Variants in INPP5F observed in about 807,000 individuals in gnomAD.
The protein encoded by INPP5F is phosphatidylinositide 4-phosphatase SAC2.
A neutral mutation model predicts 137.2 loss-of-function variants in INPP5F; 97 were observed. The ratio of observed to expected loss-of-function variants is 0.71; its 90% CI spans 0.60 to 0.84. The LOEUF (loss-of-function observed/expected upper bound fraction) is 0.84. Ranked by LOEUF, INPP5F falls within the 40% of genes least tolerant of loss-of-function variation. The probability of loss-of-function intolerance (pLI) is 0.00; values close to 1 mark genes in which losing one functional copy is unlikely to be tolerated. For synonymous variants in INPP5F, 504 were observed against 476.9 expected (o/e 1.06, Z -0.74); for missense variants, 1,271 against 1,371.9 (o/e 0.93, Z 1.16).
At position 119,807,420 on chromosome 10, in the gene INPP5F, C is replaced by T. The variant is rs78663738; in HGVS notation, c.1441-512C>T. On this transcript the variant is annotated intron_variant, in intron 12 of 19. Coordinates refer to ENST00000650623, the MANE Select transcript of INPP5F (RefSeq NM_014937.4). ...GGCTCTACCACATACAAGGTTTTGA[C>T]TCTGTACAAAGAACTTAACCTTTCC... is the stretch of plus-strand genomic sequence containing the variant. 4.1e-3 allele frequency among the ~76,000 whole-genome samples: 619 copies of T among 152,328 alleles called. 5 individuals carry two copies. Among genetic ancestry groups the T allele is most frequent in the African/African-American group, 0.014 (587 of 41,570 alleles).
At chr10:119,819,508 G>A (rs1256200435) in intron 15 of INPP5F, 2 of 1,604,332 alleles carry the variant, frequency 1.2e-6, no homozygotes, top group Non-Finnish European at 1.7e-6. Context: ...AATTTTTATG[G>A]CTTGGCTCAA....
At position 119,822,485 on chromosome 10, in the gene INPP5F, C is replaced by T; in HGVS notation, c.2013C>T (p.Asn671=). The change falls in exon 17 of 20, where the codon AAC becomes AAT. Residue 671 remains asparagine (N), a synonymous_variant. Coordinates refer to ENST00000650623, the MANE Select transcript of INPP5F (RefSeq NM_014937.4). ...VNQYQRLSLE[N]LEKIEIGPEP... ...AGTATCAACGACTAAGTCTAGAAAA[C>T]CTGGAAAAAATTGAAATAGGTAAGT... is the stretch of plus-strand genomic sequence containing the variant. The T allele has an allele frequency of 2.6e-6, 4 of 1,520,858 alleles. No homozygotes were observed. The highest frequency in any genetic ancestry group is 3.6e-6 in the Non-Finnish European group (4 of 1,110,702). The allele number at this position is 1,520,858 out of a possible 1,614,324, so 94.2% of individuals were successfully genotyped here.
At chr10:119,813,942 A>G (rs996183896) in intron 15 of INPP5F, among the ~76,000 whole-genome samples, 1 of 152,320 alleles carries the variant, frequency 6.6e-6, no homozygotes, top group Middle Eastern at 3.4e-3. Flanking sequence ...CTTCATTAAC[A>G]TGATGAAATG....
intron 8 of INPP5F, among the ~76,000 whole-genome samples, 161 bp from the exon 9 acceptor site, chr10:119,798,380 CAG>C (rs1301771782): frequency 6.6e-6 from 1 of 151,982 alleles, no homozygotes; most frequent in Non-Finnish European, 1.5e-5. Context: ...GAAAAAAAAT[CAG>C]ATCTTTGACT....
At chr10:119,819,159 T>TG (rs1199245959) in intron 15 of INPP5F, 3 of 138,676 alleles carry the variant, frequency 2.2e-5, no homozygotes, top group South Asian at 2.2e-4. Flanking sequence ...GCTGCAGACG[T>TG]GGGGGGTGGG....
chr10:119,779,665 C>T (rs1428124248), intron 2 of INPP5F, among the ~76,000 whole-genome samples: 2 of 152,054 alleles, frequency 1.3e-5, no homozygotes, highest in African/African-American at 4.8e-5. Flanking sequence ...AGCAATCCTC[C>T]CACTTTGACC....
rs59804262 is a variant in INPP5F at position 119,785,535 on chromosome 10, CGAGAGAGAGAGAGAGA to C, written c.315+3793_315+3808del. 3.6e-3 allele frequency among the ~76,000 whole-genome samples: 334 copies of C among 93,628 alleles called. 3 individuals carry two copies. The South Asian group carries it at 0.055, about 16-fold the overall frequency. 61.4% of individuals were successfully genotyped at this position (93,628 alleles called of 152,430 possible). A position where few individuals can be genotyped will look rare whatever the true frequency, so the allele number is the denominator to read the frequency against. ...TGATCTCCTGACCTTGTGATCCGCT[CGAGAGAGAGAGAGAGA>C]GAGAGAGAGAGAGAGAGAGAGAGAG... On this transcript the variant is annotated intron_variant, in intron 3 of 19. Coordinates refer to ENST00000650623, the MANE Select transcript of INPP5F (RefSeq NM_014937.4).
intron 9 of INPP5F, chr10:119,799,261 G>C: frequency 2.4e-6 from 1 of 421,122 alleles, no homozygotes; most frequent in Non-Finnish European, 4.7e-6. Context: ...GTGTGAATGA[G>C]TAATGCCGTG....
intron 9 of INPP5F, among the ~76,000 whole-genome samples, chr10:119,802,798 GTTTT>G (rs1274540230): frequency 6.6e-6 from 1 of 152,032 alleles, no homozygotes; most frequent in Non-Finnish European, 1.5e-5. Flanking sequence ...ATCACACCAG[GTTTT>G]TTAAAAAAAA....
chr10:119,733,365 TC>T (rs1848139657), intron 1 of INPP5F, among the ~76,000 whole-genome samples: 1 of 152,224 alleles, frequency 6.6e-6, no homozygotes. Context: ...TGATCAGGTT[TC>T]TCTTCTTAAG....
In INPP5F at chr10:119,827,748, A is replaced by C. The variant is rs779108063; in HGVS notation, c.3367A>C (p.Ile1123Leu). The C allele has an allele frequency of 6.2e-7, 1 of 1,612,536 alleles. No homozygotes were observed. Among genetic ancestry groups the C allele is most frequent in the Non-Finnish European group, 8.5e-7 (1 of 1,179,030 alleles). ...VQQNELKKMF[I>L]QCQTRIIQI Reference sequence around the variant, plus strand: ...GCAAAATGAACTTAAAAAGATGTTTATACAATGCCAGACACGGATAATTCA... The same window carrying C: ...GCAAAATGAACTTAAAAAGATGTTTCTACAATGCCAGACACGGATAATTCA... Residue 1123 changes from isoleucine to leucine, a missense_variant, in exon 20 of 20, where the codon ATA (isoleucine) becomes CTA (leucine). Physicochemically the swap from Ile to Leu is conservative, Grantham distance 5 (BLOSUM62 2). Coordinates refer to ENST00000650623, the MANE Select transcript of INPP5F (RefSeq NM_014937.4).
At position 119,791,520 on chromosome 10, in the gene INPP5F, T is replaced by C; in HGVS notation, c.319T>C (p.Cys107Arg). Residue 107 changes from cysteine to arginine, a missense_variant, in exon 4 of 20, where the codon TGT becomes CGT. Around this residue, in one of 6 missense-constraint regions of INPP5F, gnomAD observed 62 missense variants for 55.0 expected, o/e 1.13. Transcript: ENST00000650623. ...MEPQDLELEL[C>R]KKHHFGINKP... The stretch of plus-strand genomic sequence containing the variant: ...TCATCTTTCTCTTCCTATTTAGCTC[T>C]GTAAGAAGCATCATTTTGGTATTAA... The C allele has an allele frequency of 2.5e-6, 4 of 1,598,626 alleles. No individual in the cohort carries two copies. The highest frequency in any genetic ancestry group is 3.4e-6 in the Non-Finnish European group (4 of 1,169,744).
At chr10:119,804,659 G>A (rs1314698924) in intron 10 of INPP5F, among the ~76,000 whole-genome samples, 2 of 151,486 alleles carry the variant, frequency 1.3e-5, no homozygotes, top group Non-Finnish European at 2.9e-5. Flanking sequence ...TCCTCTTCAT[G>A]TCTGGTAGTG....
At chr10:119,810,246 C>A in intron 14 of INPP5F, 29 bp downstream of exon 14, 1 of 1,208,164 alleles carries the variant, frequency 8.3e-7, no homozygotes, top group Non-Finnish European at 1.2e-6. Context: ...TTTCTTTCCT[C>A]AAAATTTATG....
At chr10:119,824,245 T>C (rs538366797) in intron 19 of INPP5F, among the ~76,000 whole-genome samples, 1 of 152,310 alleles carries the variant, frequency 6.6e-6, no homozygotes, top group East Asian at 1.9e-4. Flanking sequence ...AAAGTACAGA[T>C]TTCACTAGGT....
chr10:119,746,508 T>C (rs1234742246), intron 1 of INPP5F, among the ~76,000 whole-genome samples: 1 of 152,218 alleles, frequency 6.6e-6, no homozygotes, highest in African/African-American at 2.4e-5. Flanking sequence ...GCTCACTATT[T>C]GGAAAGAAAT....
rs1589760342 is a variant in INPP5F, at chr10:119,824,299, T to A, written c.2249+397T>A. On this transcript the variant is annotated intron_variant, in intron 19 of 19. Transcript: ENST00000650623. ...TCTGTTCCAGGATCCAGTCTGGGATTCCACACTGCATTTAGTTGTCTCTGT... is the reference window on the plus strand; with the variant it reads ...TCTGTTCCAGGATCCAGTCTGGGATACCACACTGCATTTAGTTGTCTCTGT... Among the ~76,000 whole-genome samples the A allele has an allele frequency of 5.9e-5, 9 of 152,354 alleles. No individual in the cohort carries two copies. In the South Asian group the frequency reaches 1.9e-3, roughly 32 times the overall value.
chr10:119,771,866 ATATATATATATATATATTTTTTTTT>A (rs1366776858), intron 2 of INPP5F, among the ~76,000 whole-genome samples: 3 of 16,600 alleles, frequency 1.8e-4, no homozygotes, highest in Non-Finnish European at 3.4e-4. Context: ...ATATATATAT[ATATATATATATATATATTTTTTTTT>A]TTTTTTTTTT....
intron 2 of INPP5F, among the ~76,000 whole-genome samples, chr10:119,768,930 T>C (rs1849257204): frequency 6.6e-6 from 1 of 152,152 alleles, no homozygotes; most frequent in Admixed American, 6.5e-5. Flanking sequence ...TCAAGTAAAA[T>C]TAAAAGGACT....
Sources: gnomAD v4.1 joint callset for allele counts (sites outside exome capture counted in the v4.1 genomes callset) on GRCh38, gnomAD v4.1.1 for gene constraint, gnomAD v4.1.1 regional missense constraint, MANE v1.5 for transcripts, NCBI Gene and HGNC (gene_info 2026-07-23, HGNC 2026-07-21) for gene names.